Variants in GRM7 observed in about 807,000 individuals in gnomAD.
GRM7 encodes the protein glutamate metabotropic receptor 7, also known as metabotropic glutamate receptor 7.
In GRM7, 35 loss-of-function variants were observed where a neutral mutation model predicts 84.5. The ratio of observed to expected loss-of-function variants is 0.41; its 90% confidence interval spans 0.32 to 0.55. The LOEUF is 0.55. Ranked by LOEUF, GRM7 falls within the 20% of genes least tolerant of loss-of-function variation. GRM7 has a pLI of 0.19. For synonymous variants in GRM7, 487 were observed against 455.1 expected (o/e 1.07, Z -0.89); for missense variants, 1,003 against 1,194.6 (o/e 0.84, Z 2.36).
At chr3:7,008,694 G>T (rs1575124052) in intron 1 of GRM7, among the ~76,000 whole-genome samples, 1 of 152,204 alleles carries the variant, frequency 6.6e-6, no homozygotes, top group East Asian at 1.9e-4. Context: ...AGTACTAGTT[G>T]TTTTTACCTC....
rs55976300 is a variant in GRM7, at chr3:7,413,796, G to A, written c.1034-1227G>A. 5.2e-3 allele frequency among the ~76,000 whole-genome samples: 789 copies of A among 152,268 alleles called. 6 individuals are homozygous for A. Among genetic ancestry groups the A allele is most frequent in the South Asian group, 0.022 (107 of 4,822 alleles). On this transcript the variant is annotated intron_variant, in intron 4 of 9. Coordinates refer to ENST00000357716, the MANE Select transcript of GRM7 (RefSeq NM_000844.4). ...ATGGAAGAGCTTCATAGCAGTAGTT[G>A]TTGACTGTTGGTGACTAAGACAATC...
intron 2 of GRM7, among the ~76,000 whole-genome samples, chr3:7,204,171 C>A (rs890933817): frequency 4.1e-4 from 63 of 152,158 alleles, no homozygotes; most frequent in African/African-American, 1.4e-3. Flanking sequence ...GCCCTGTCCA[C>A]CTGGGTCACC....
At chr3:7,269,309 C>A (rs1385658564) in intron 2 of GRM7, among the ~76,000 whole-genome samples, 4 of 152,178 alleles carry the variant, frequency 2.6e-5, no homozygotes, top group Non-Finnish European at 5.9e-5. Context: ...TTCTTTCCTG[C>A]CTGAACCATC....
chr3:7,333,074 A>G (rs542729221), intron 4 of GRM7, among the ~76,000 whole-genome samples: 70 of 152,250 alleles, frequency 4.6e-4, no homozygotes, highest in Middle Eastern at 3.4e-3. Flanking sequence ...ATAGCAACTC[A>G]TAACAGAACA....
At position 7,596,819 on chromosome 3, in the gene GRM7, C is replaced by T. The variant is rs139036805; in HGVS notation, c.2451+17462C>T. On this transcript the variant is annotated intron_variant, in intron 8 of 9. Coordinates refer to ENST00000357716, the MANE Select transcript of GRM7 (RefSeq NM_000844.4). The stretch of plus-strand genomic sequence containing the variant: ...TCAAGGGGTTTTACTGTCATGATTT[C>T]GTAAAGCCCATGCACAGCTGTGAGG... Among the ~76,000 whole-genome samples the T allele has an allele frequency of 2.0e-3, 305 of 152,086 alleles. 1 individual carries two copies. The highest frequency in any genetic ancestry group is 7.1e-3 in the African/African-American group (295 of 41,494).
In GRM7 at chr3:7,162,729, A is replaced by ATTTTTTTT. The variant is rs71063284; in HGVS notation, c.736+16102_736+16109dup. Among the ~76,000 whole-genome samples the ATTTTTTTT allele has an allele frequency of 2.1e-3, 116 of 54,708 alleles. 24 individuals are homozygous for ATTTTTTTT. Among genetic ancestry groups the ATTTTTTTT allele is most frequent in the Middle Eastern group, 0.017 (1 of 60 alleles). The allele number at this position is 54,708 out of a possible 152,430, so 35.9% of individuals were successfully genotyped here. Reference sequence around the variant, plus strand: ...CAATCTCCCATTACTCCCATTTTTCATTTTTTTTTTTTTTTTTTTTTTTTT... The same window carrying ATTTTTTTT: ...CAATCTCCCATTACTCCCATTTTTCATTTTTTTTTTTTTTTTTTTTTTTTTTTTTTTTT... On this transcript the variant is annotated intron_variant, in intron 2 of 9. Coordinates refer to ENST00000357716, the MANE Select transcript of GRM7 (RefSeq NM_000844.4).
intron 7 of GRM7, among the ~76,000 whole-genome samples, chr3:7,569,569 G>C (rs955526790): frequency 2.6e-5 from 4 of 152,106 alleles, no homozygotes; most frequent in African/African-American, 9.7e-5. Context: ...AACCTGCTGA[G>C]GTCCCCTTCC....
chr3:7,313,171 C>G (rs1017624992), intron 4 of GRM7, among the ~76,000 whole-genome samples: 4 of 152,040 alleles, frequency 2.6e-5, no homozygotes, highest in African/African-American at 9.7e-5. Flanking sequence ...TCAGGCAATC[C>G]GCCCTCCTCA....
chr3:7,088,802 T>C (rs940668966), intron 1 of GRM7, among the ~76,000 whole-genome samples: 4 of 150,616 alleles, frequency 2.7e-5, no homozygotes, highest in African/African-American at 9.9e-5. Flanking sequence ...ACAACTACTA[T>C]GTGGAGGAAC....
intron 1 of GRM7, among the ~76,000 whole-genome samples, chr3:6,905,434 T>C (rs1231272215): frequency 6.6e-6 from 1 of 152,188 alleles, no homozygotes; most frequent in Non-Finnish European, 1.5e-5. Flanking sequence ...TATTGATCTT[T>C]TGTCTAGCCA....
intron 1 of GRM7, among the ~76,000 whole-genome samples, chr3:6,920,768 T>G (rs1317909547): frequency 3.9e-5 from 6 of 152,158 alleles, no homozygotes; most frequent in Admixed American, 3.9e-4. Flanking sequence ...TTGACTGAGT[T>G]GTACTTCACG....
At chr3:7,607,152 G>T (rs183795747) in intron 8 of GRM7, 1 of 151,942 alleles carries the variant, frequency 6.6e-6, no homozygotes, top group Non-Finnish European at 1.5e-5. Flanking sequence ...CTTGATTTTC[G>T]GACAGGTCTC....
intron 7 of GRM7, among the ~76,000 whole-genome samples, chr3:7,520,661 C>A (rs943267050): frequency 6.6e-6 from 1 of 152,132 alleles, no homozygotes; most frequent in Non-Finnish European, 1.5e-5. Context: ...AGACAGGTTT[C>A]CTGGAGCCTG....
At chr3:7,689,465 T>C (rs1168362900) in intron 9 of GRM7, among the ~76,000 whole-genome samples, 1 of 152,180 alleles carries the variant, frequency 6.6e-6, no homozygotes, top group East Asian at 1.9e-4. Flanking sequence ...TGACACTAAA[T>C]CACCTTGGGA....
At chr3:7,119,387 A>T (rs1041953367) in intron 1 of GRM7, among the ~76,000 whole-genome samples, 2 of 152,096 alleles carry the variant, frequency 1.3e-5, no homozygotes, top group Non-Finnish European at 2.9e-5. Flanking sequence ...TCAATGATCT[A>T]TTCTTGCTAG....
intron 7 of GRM7, among the ~76,000 whole-genome samples, chr3:7,515,890 C>A (rs968902892): frequency 2.6e-5 from 4 of 152,056 alleles, no homozygotes; most frequent in Admixed American, 6.6e-5. Context: ...CACCTGTAAT[C>A]CCAGCACTTT....
At chr3:7,271,421 T>C (rs910779274) in intron 2 of GRM7, among the ~76,000 whole-genome samples, 2 of 151,456 alleles carry the variant, frequency 1.3e-5, no homozygotes, top group East Asian at 2.0e-4. Flanking sequence ...TAGCCGGGCG[T>C]GGTGGCGGGC....
At chr3:7,249,103 T>C (rs542727476) in intron 2 of GRM7, among the ~76,000 whole-genome samples, 18 of 152,280 alleles carry the variant, frequency 1.2e-4, no homozygotes, top group Admixed American at 2.6e-4. Context: ...CTTGTTGAAT[T>C]ATATGTTAAA....
chr3:7,731,806 G>A (rs957034819), intron 9 of GRM7, among the ~76,000 whole-genome samples: 1 of 152,030 alleles, frequency 6.6e-6, no homozygotes, highest in Non-Finnish European at 1.5e-5. Context: ...ATGGCTCCCC[G>A]TGGATCGCCA....
Sources: gnomAD v4.1 joint callset for allele counts (sites outside exome capture counted in the v4.1 genomes callset) on GRCh38, gnomAD v4.1.1 for gene constraint, MANE v1.5 for transcripts, NCBI Gene and HGNC (gene_info 2026-07-23, HGNC 2026-07-21) for gene names.